Variants in AKAP13 observed in about 807,000 individuals in gnomAD.
AKAP13 encodes A-kinase anchor protein 13.
A neutral mutation model predicts 264.5 loss-of-function variants in AKAP13; 80 were observed. The ratio of observed to expected loss-of-function variants is 0.30; its 90% CI spans 0.25 to 0.36. The LOEUF is 0.36. Among genes scored for constraint, AKAP13 ranks in the 10% least tolerant of loss-of-function variants. The pLI, the probability that AKAP13 is intolerant of heterozygous loss-of-function variation, is 1.00. For missense variants in AKAP13, 3,712 were observed against 3,435.2 expected, an observed-to-expected ratio of 1.08 and a Z score of -2.01; for synonymous variants, 1,380 against 1,250.2, an observed-to-expected ratio of 1.10 and a Z score of -2.19.
intron 17 of AKAP13, among the ~76,000 whole-genome samples, chr15:85,703,850 A>G (rs932872207): frequency 7.2e-6 from 1 of 138,860 alleles, no homozygotes; most frequent in East Asian, 2.0e-4. Context: ...CTCAAAAAAA[A>G]AAAATATATA....
intron 8 of AKAP13, among the ~76,000 whole-genome samples, chr15:85,592,046 CTTTT>C (rs386383662): frequency 4.8e-5 from 5 of 105,262 alleles, no homozygotes; most frequent in South Asian, 3.5e-4. Context: ...GAACCATGAT[CTTTT>C]TTTTTTTTTT....
chr15:85,619,814 G>T (rs2081094846), intron 8 of AKAP13: 2 of 1,235,134 alleles, frequency 1.6e-6, no homozygotes, highest in Non-Finnish European at 2.0e-6. Context: ...GCATTAGGTG[G>T]TATTTATTGT....
chr15:85,393,478 C>T (rs544602316), intron 1 of AKAP13, among the ~76,000 whole-genome samples: 2 of 152,264 alleles, frequency 1.3e-5, no homozygotes, highest in South Asian at 2.1e-4. Flanking sequence ...CAAAATAGTG[C>T]TGTGTGTATG....
chr15:85,421,814 C>T (rs549498980), intron 1 of AKAP13, among the ~76,000 whole-genome samples: 1 of 152,190 alleles, frequency 6.6e-6, no homozygotes, highest in African/African-American at 2.4e-5. Context: ...TTTATTTTCC[C>T]ATGTGCTGTT....
intron 8 of AKAP13, among the ~76,000 whole-genome samples, chr15:85,607,632 CTTTG>C (rs2080413624): frequency 6.6e-6 from 1 of 152,150 alleles, no homozygotes; most frequent in Non-Finnish European, 1.5e-5. Context: ...CCTTCATTTC[CTTTG>C]ATGTTTCCTG....
At chr15:85,390,572 A>G (rs867455866) in intron 1 of AKAP13, among the ~76,000 whole-genome samples, 7 of 69,898 alleles carry the variant, frequency 1.0e-4, no homozygotes, top group South Asian at 6.8e-4. Flanking sequence ...GCAAGGCATG[A>G]CAAGGTTGAT....
At chr15:85,674,671 T>C (rs1215059505) in intron 14 of AKAP13, among the ~76,000 whole-genome samples, 1 of 152,202 alleles carries the variant, frequency 6.6e-6, no homozygotes, top group Non-Finnish European at 1.5e-5. Flanking sequence ...GGCAGTTACA[T>C]ATCTGTACCA....
chr15:85,490,318 T>C (rs1295654968), intron 2 of AKAP13, among the ~76,000 whole-genome samples: 1 of 152,194 alleles, frequency 6.6e-6, no homozygotes, highest in Admixed American at 6.5e-5. Context: ...GATGCCATCA[T>C]TGGGTATAGA....
intron 8 of AKAP13, among the ~76,000 whole-genome samples, chr15:85,587,531 A>G (rs1458284913): frequency 6.6e-6 from 1 of 152,204 alleles, no homozygotes; most frequent in Non-Finnish European, 1.5e-5. Flanking sequence ...ATGTTTTTAT[A>G]TACCTAGTGG....
rs1294470850 is a variant in AKAP13, at chr15:85,718,219, A to G, written c.6001+60A>G. The G allele has an allele frequency of 6.3e-7, 1 of 1,580,860 alleles. No individual in the cohort carries two copies. Among genetic ancestry groups the G allele is most frequent in the African/African-American group, 1.4e-5 (1 of 73,334 alleles). ...TTTCCATTGTCCAGCATTTTTAAGC[A>G]GTAATTTGTTGGACTATGAAAAATC... On this transcript the variant is annotated intron_variant, in intron 22 of 36. Transcript: ENST00000394518. This position sits in a 1 kb window ranked among gnomAD's most constrained non-coding sequence, Gnocchi z 4.9.
chr15:85,618,009 AGGCTCACTTGG>A (rs1406445869), intron 8 of AKAP13, among the ~76,000 whole-genome samples: 1 of 152,224 alleles, frequency 6.6e-6, no homozygotes, highest in African/African-American at 2.4e-5. Flanking sequence ...TACAGAGCCA[AGGCTCACTTGG>A]GGCACGAGAA....
intron 6 of AKAP13, chr15:85,577,695 ACTCT>A (rs2151303038): frequency 1.6e-6 from 1 of 642,720 alleles, no homozygotes; most frequent in South Asian, 6.9e-5. Flanking sequence ...TCCATAATAT[ACTCT>A]GACAGTATAT....
chr15:85,455,562 CAT>C (rs775122255), intron 1 of AKAP13, among the ~76,000 whole-genome samples: 319 of 152,206 alleles, frequency 2.1e-3, no homozygotes, highest in Non-Finnish European at 3.6e-3. Context: ...ACAGCAATAA[CAT>C]AGGGGATTTG....
intron 14 of AKAP13, chr15:85,676,977 T>C: frequency 3.0e-6 from 3 of 985,506 alleles, no homozygotes; most frequent in Non-Finnish European, 2.4e-6. Context: ...CCTTCTCAGC[T>C]CAGCAGCAGA....
chr15:85,744,344 T>A (rs2151795019), intron 36 of AKAP13: 1 of 411,430 alleles, frequency 2.4e-6, no homozygotes, highest in East Asian at 5.9e-5. Flanking sequence ...TTAGGATTGA[T>A]CTCTCCTTTC....
intron 2 of AKAP13, among the ~76,000 whole-genome samples, chr15:85,502,083 C>T (rs2076052089): frequency 1.3e-5 from 2 of 152,110 alleles, no homozygotes; most frequent in Non-Finnish European, 2.9e-5. Context: ...GGCCACACCC[C>T]AGAGTTTCTG....
At chr15:85,425,527 C>A (rs760396357) in intron 1 of AKAP13, among the ~76,000 whole-genome samples, 2 of 151,958 alleles carry the variant, frequency 1.3e-5, no homozygotes, top group South Asian at 4.1e-4. Flanking sequence ...ACTAGCCTGG[C>A]CAACATGGTG....
intron 9 of AKAP13, among the ~76,000 whole-genome samples, chr15:85,643,098 C>T (rs2082385212): frequency 6.6e-6 from 1 of 151,328 alleles, no homozygotes; most frequent in African/African-American, 2.4e-5. Context: ...CTAACACACT[C>T]CAAAATAGTT....
At chr15:85,676,205 C>T (rs551401228) in intron 14 of AKAP13, among the ~76,000 whole-genome samples, 18 of 152,302 alleles carry the variant, frequency 1.2e-4, no homozygotes, top group Admixed American at 7.8e-4. Context: ...GCCACCACGC[C>T]CAGCCAGTAG....
Sources: gnomAD v4.1 joint callset for allele counts (sites outside exome capture counted in the v4.1 genomes callset) on GRCh38, gnomAD v4.1.1 for gene constraint, Gnocchi (gnomAD v3.1) non-coding constraint, MANE v1.5 for transcripts, NCBI Gene and HGNC (gene_info 2026-07-23, HGNC 2026-07-21) for gene names.